The following CTNND2 variants were observed in gnomAD, a reference collection of about 807,000 sequenced individuals.
CTNND2 encodes the protein catenin delta 2.
A neutral mutation model predicts 144.4 loss-of-function variants in CTNND2; 22 were observed. That is an observed-to-expected ratio of 0.15 (90% CI 0.11 to 0.22). The LOEUF is 0.22. CTNND2 is among the 10% of genes least tolerant of loss of function. The pLI, the probability that CTNND2 is intolerant of heterozygous loss-of-function variation, is 1.00. For synonymous variants in CTNND2, 751 were observed against 695.6 expected, an observed-to-expected ratio of 1.08 and a Z score of -1.25; for missense variants, 1,353 against 1,618.8, an observed-to-expected ratio of 0.84 and a Z score of 2.82.
chr5:11,749,500 G>C (rs1265921514), intron 1 of CTNND2, among the ~76,000 whole-genome samples: 1 of 151,970 alleles, frequency 6.6e-6, no homozygotes, highest in African/African-American at 2.4e-5. Flanking sequence ...TAGTCCCTCA[G>C]AGTTTATGAC....
At chr5:11,502,593 C>T (rs956522718) in intron 3 of CTNND2, among the ~76,000 whole-genome samples, 2 of 152,186 alleles carry the variant, frequency 1.3e-5, no homozygotes, top group Non-Finnish European at 2.9e-5. Flanking sequence ...TCACCACCAC[C>T]ATCTATCTTG....
chr5:11,760,481 T>C (rs1789195976), intron 1 of CTNND2, among the ~76,000 whole-genome samples: 2 of 152,190 alleles, frequency 1.3e-5, no homozygotes, highest in Admixed American at 1.3e-4. Context: ...AAGAATAGTT[T>C]TTGTTATTTT....
intron 1 of CTNND2, among the ~76,000 whole-genome samples, chr5:11,853,927 A>G (rs1366343551): frequency 1.3e-5 from 2 of 152,176 alleles, no homozygotes; most frequent in Non-Finnish European, 2.9e-5. Context: ...CTCCGTGTCC[A>G]CCACTGCTGT....
At chr5:11,683,689 A>G (rs570134911) in intron 2 of CTNND2, among the ~76,000 whole-genome samples, 1 of 152,364 alleles carries the variant, frequency 6.6e-6, no homozygotes, top group African/African-American at 2.4e-5. Flanking sequence ...GTGAAGGCAA[A>G]TATTCTCTGG....
chr5:11,137,249 A>G (rs926875559), intron 12 of CTNND2, among the ~76,000 whole-genome samples: 15 of 152,218 alleles, frequency 9.9e-5, no homozygotes, highest in African/African-American at 2.9e-4. Context: ...TTATTTATTA[A>G]TATAAGACAT....
chr5:11,522,905 C>G (rs1417599642), intron 3 of CTNND2, among the ~76,000 whole-genome samples: 1 of 152,152 alleles, frequency 6.6e-6, no homozygotes, highest in East Asian at 1.9e-4. Context: ...CAAAGAAGCA[C>G]CCATGCGTTT....
intron 7 of CTNND2, among the ~76,000 whole-genome samples, chr5:11,376,744 C>T (rs1486160692): frequency 2.0e-5 from 3 of 152,118 alleles, no homozygotes; most frequent in African/African-American, 7.2e-5. Context: ...GCTACAGGGT[C>T]GCCATTTTGG....
chr5:11,446,612 G>T (rs2149903603), intron 3 of CTNND2, among the ~76,000 whole-genome samples: 1 of 152,264 alleles, frequency 6.6e-6, no homozygotes, highest in Admixed American at 6.5e-5. Context: ...CAAAAGATAG[G>T]TTGCCTGCAT....
intron 11 of CTNND2, among the ~76,000 whole-genome samples, chr5:11,164,581 A>C (rs1174439184): frequency 6.6e-6 from 1 of 152,134 alleles, no homozygotes; most frequent in Non-Finnish European, 1.5e-5. Context: ...AGCTCTAGTC[A>C]CTGTGCTCCA....
intron 2 of CTNND2, among the ~76,000 whole-genome samples, chr5:11,669,944 A>G (rs189256715): frequency 5.3e-5 from 8 of 152,074 alleles, no homozygotes; most frequent in Admixed American, 5.2e-4. Context: ...ATTCCAGTAC[A>G]TTATGTCTTT....
chr5:11,757,201 ACAT>A (rs1052550399), intron 1 of CTNND2, among the ~76,000 whole-genome samples: 1 of 151,494 alleles, frequency 6.6e-6, no homozygotes, highest in Non-Finnish European at 1.5e-5. Context: ...ACACACACAC[ACAT>A]AACAAAAATG....
chr5:11,853,836 C>G (rs894548510), intron 1 of CTNND2, among the ~76,000 whole-genome samples: 4 of 152,208 alleles, frequency 2.6e-5, no homozygotes, highest in Non-Finnish European at 2.9e-5. Context: ...GTCACTCTTG[C>G]CACCTCCATT....
At chr5:11,332,422 A>G (rs552757778) in intron 9 of CTNND2, among the ~76,000 whole-genome samples, 305 of 152,144 alleles carry the variant, frequency 2.0e-3, no homozygotes, top group South Asian at 4.8e-3. Flanking sequence ...GTTTCTGTCT[A>G]TAGGAGGCAG....
intron 12 of CTNND2, among the ~76,000 whole-genome samples, chr5:11,158,417 T>A (rs1758432081): frequency 6.6e-6 from 1 of 152,180 alleles, no homozygotes; most frequent in African/African-American, 2.4e-5. Context: ...ATTTGCCATA[T>A]GGTAGCACCT....
At chr5:11,855,304 C>T (rs985533669) in intron 1 of CTNND2, among the ~76,000 whole-genome samples, 4 of 152,194 alleles carry the variant, frequency 2.6e-5, no homozygotes, top group South Asian at 2.1e-4. Flanking sequence ...CCTAGTTCCC[C>T]TACCTTTCCT....
intron 15 of CTNND2, among the ~76,000 whole-genome samples, chr5:11,095,979 G>T (rs1751307623): frequency 6.6e-6 from 1 of 151,372 alleles, no homozygotes. Flanking sequence ...TCTCATTTGG[G>T]GACTCCGTTT....
intron 9 of CTNND2, among the ~76,000 whole-genome samples, chr5:11,291,831 A>G (rs1174908080): frequency 6.6e-6 from 1 of 152,204 alleles, no homozygotes; most frequent in Non-Finnish European, 1.5e-5. Flanking sequence ...ATACAGACAA[A>G]ACATTTATTT....
At chr5:11,665,733 A>G (rs944953518) in intron 2 of CTNND2, among the ~76,000 whole-genome samples, 4 of 152,184 alleles carry the variant, frequency 2.6e-5, no homozygotes, top group Admixed American at 6.5e-5. Flanking sequence ...TGAGGTGTGT[A>G]TTCAGGGGCC....
intron 2 of CTNND2, among the ~76,000 whole-genome samples, chr5:11,664,397 C>A (rs1783444027): frequency 1.3e-5 from 2 of 152,216 alleles, no homozygotes; most frequent in South Asian, 4.2e-4. Flanking sequence ...TTGAGACCAT[C>A]CTGGCCAACA....
Sources: allele counts gnomAD v4.1 joint callset (sites outside exome capture counted in the v4.1 genomes callset), GRCh38; gene constraint gnomAD v4.1.1; transcripts MANE v1.5; gene names NCBI Gene and HGNC (gene_info 2026-07-23, HGNC 2026-07-21).